The following MALRD1 variants were observed in gnomAD, a reference collection of about 807,000 sequenced individuals.
MALRD1 encodes MAM and LDL-receptor class A domain-containing protein 1.
A neutral mutation model predicts 242.1 loss-of-function variants in MALRD1; 247 were observed. The ratio of observed to expected loss-of-function variants is 1.02; its 90% CI spans 0.92 to 1.13. The LOEUF (loss-of-function observed/expected upper bound fraction) is 1.13. Among genes scored for constraint, MALRD1 ranks in the 50% most tolerant of loss-of-function variants. MALRD1 has a pLI of 0.00. For missense variants in MALRD1, 2,989 were observed against 2,533.1 expected (o/e 1.18, Z -3.86); for synonymous variants, 995 against 866.6 (o/e 1.15, Z -2.60).
intron 38 of MALRD1, among the ~76,000 whole-genome samples, chr10:19,707,178 C>T (rs1833904203): frequency 6.6e-6 from 1 of 151,334 alleles, no homozygotes; most frequent in African/African-American, 2.4e-5. Flanking sequence ...CGTCCTCCTC[C>T]TCTGCCTCCT....
In MALRD1 at chr10:19,123,561, G is replaced by A; in HGVS notation, c.764G>A (p.Cys255Tyr). The A allele has an allele frequency of 8.1e-7, 1 of 1,233,628 alleles. No individual in the cohort carries two copies. 76.4% of individuals were successfully genotyped at this position (1,233,628 alleles called of 1,614,324 possible). The change falls in exon 6 of 40, where the codon TGC (cysteine) becomes TAC (tyrosine). Residue 255 changes from cysteine (C) to tyrosine (Y), a missense_variant. Cys to Tyr is a radical substitution (Grantham distance 194). Transcript: ENST00000454679. ...CTATGCCATCCAGATACAGATCTCT[G>A]CAGATTTGATGCTACAGATGAAGAG... ...RELCHPDTDLCRFDATDEELR... is the reference protein window; with the variant it reads ...RELCHPDTDLYRFDATDEELR...
chr10:19,663,510 A>T (rs1432306761), intron 36 of MALRD1, among the ~76,000 whole-genome samples: 1 of 152,096 alleles, frequency 6.6e-6, no homozygotes, highest in African/African-American at 2.4e-5. Flanking sequence ...TCTTTTTTTA[A>T]TGTAATGGCT....
chr10:19,541,907 G>C (rs561895649), intron 32 of MALRD1, among the ~76,000 whole-genome samples: 163 of 152,186 alleles, frequency 1.1e-3, no homozygotes, highest in Non-Finnish European at 1.9e-3. Context: ...AAAAAACACT[G>C]GTATTAAGTT....
intron 24 of MALRD1, among the ~76,000 whole-genome samples, chr10:19,344,096 C>T (rs997628443): frequency 1.3e-5 from 2 of 152,004 alleles, no homozygotes; most frequent in African/African-American, 4.8e-5. Flanking sequence ...ATTTTCTCCC[C>T]GGCTTTGGGT....
chr10:19,723,197 C>T (rs990547560), intron 38 of MALRD1, among the ~76,000 whole-genome samples: 1 of 152,064 alleles, frequency 6.6e-6, no homozygotes, highest in Non-Finnish European at 1.5e-5. Context: ...GAACCAATGC[C>T]TCCACACACG....
Position 19,059,027 on chromosome 10 carries a change from A to T in MALRD1, c.200-7692A>T, listed in dbSNP as rs150735766. 3.0e-3 allele frequency among the ~76,000 whole-genome samples: 454 copies of T among 152,288 alleles called. 4 individuals carry two copies. The highest frequency in any genetic ancestry group is 0.011 in the African/African-American group (439 of 41,572). Reference sequence around the variant, plus strand: ...GAAATTTATTCTAAGAAACAAAATGAGTTCATGCAAAAAGTCTCCTTACAA... The same window carrying T: ...GAAATTTATTCTAAGAAACAAAATGTGTTCATGCAAAAAGTCTCCTTACAA... On this transcript the variant is annotated intron_variant, in intron 1 of 39. Transcript: ENST00000454679.
chr10:19,537,369 A>T (rs1564423552), intron 32 of MALRD1, among the ~76,000 whole-genome samples: 1 of 152,154 alleles, frequency 6.6e-6, no homozygotes. Flanking sequence ...CTTATAAACA[A>T]CATAAATTTA....
intron 12 of MALRD1, among the ~76,000 whole-genome samples, chr10:19,157,138 A>G (rs1321025164): frequency 1.3e-5 from 2 of 152,084 alleles, no homozygotes; most frequent in Non-Finnish European, 2.9e-5. Flanking sequence ...AGGAAGTAGG[A>G]GTAGACTGTA....
intron 28 of MALRD1, among the ~76,000 whole-genome samples, chr10:19,404,688 TATCACTTCACTCATTTTGCACACAC>T (rs1847013638): frequency 6.6e-6 from 1 of 152,156 alleles, no homozygotes; most frequent in Non-Finnish European, 1.5e-5. Context: ...GATTGTTTTA[TATCACTTCACTCATTTTGCACACAC>T]ATACTGCACA....
At chr10:19,625,369 T>C (rs1839606628) in intron 36 of MALRD1, among the ~76,000 whole-genome samples, 1 of 152,134 alleles carries the variant, frequency 6.6e-6, no homozygotes, top group Non-Finnish European at 1.5e-5. Context: ...ATTCATATGG[T>C]TGCTTTTGCC....
At chr10:19,105,837 T>C (rs183148815) in intron 5 of MALRD1, among the ~76,000 whole-genome samples, 53 of 152,080 alleles carry the variant, frequency 3.5e-4, no homozygotes, top group African/African-American at 1.2e-3. Flanking sequence ...GAGAAATAGC[T>C]ATTGAGGTTT....
intron 18 of MALRD1, among the ~76,000 whole-genome samples, chr10:19,231,676 G>A (rs1015249680): frequency 4.6e-5 from 7 of 151,864 alleles, no homozygotes; most frequent in East Asian, 1.9e-4. Flanking sequence ...GCCTTCTGCC[G>A]TGACTGTGAG....
intron 1 of MALRD1, chr10:19,052,215 C>T (rs1834529067): frequency 1.4e-5 from 4 of 288,184 alleles, no homozygotes; most frequent in Admixed American, 1.4e-4. Context: ...AACCACAGGC[C>T]CTTCCCCTTT....
intron 18 of MALRD1, among the ~76,000 whole-genome samples, chr10:19,251,295 G>A (rs1279117703): frequency 7.2e-5 from 11 of 151,990 alleles, no homozygotes; most frequent in African/African-American, 1.9e-4. Flanking sequence ...AGCAAAGGGC[G>A]TATTTAAATG....
chr10:19,222,043 G>A (rs556603571), intron 18 of MALRD1, among the ~76,000 whole-genome samples: 8 of 152,080 alleles, frequency 5.3e-5, no homozygotes, highest in Admixed American at 3.9e-4. Context: ...TTCTCAGTCC[G>A]TGGCCAGTTT....
chr10:19,526,758 G>A (rs913374774), intron 31 of MALRD1, among the ~76,000 whole-genome samples: 3 of 152,102 alleles, frequency 2.0e-5, no homozygotes, highest in Admixed American at 6.5e-5. Context: ...ATGCTGCAGC[G>A]AAATAGTGGA....
chr10:19,448,691 C>G (rs1253770516), intron 28 of MALRD1, among the ~76,000 whole-genome samples: 1 of 152,072 alleles, frequency 6.6e-6, no homozygotes, highest in African/African-American at 2.4e-5. Context: ...TAACCACCCT[C>G]AGCTATCCAT....
chr10:19,247,614 G>A (rs766937308), intron 18 of MALRD1, among the ~76,000 whole-genome samples: 16 of 151,604 alleles, frequency 1.1e-4, no homozygotes, highest in Non-Finnish European at 2.2e-4. Context: ...ACCATTTTGG[G>A]AATCAGAGGC....
chr10:19,433,974 A>G (rs1834250178), intron 28 of MALRD1, among the ~76,000 whole-genome samples: 1 of 152,168 alleles, frequency 6.6e-6, no homozygotes, highest in Admixed American at 6.5e-5. Flanking sequence ...CATATATAAT[A>G]TAAATGAGTT....
Sources: gnomAD v4.1 joint callset for allele counts (sites outside exome capture counted in the v4.1 genomes callset) on GRCh38, gnomAD v4.1.1 for gene constraint, MANE v1.5 for transcripts, NCBI Gene and HGNC (gene_info 2026-07-23, HGNC 2026-07-21) for gene names.